AGBL4: variants seen among roughly 807,000 people sequenced by gnomAD.
AGBL4 encodes the protein cytosolic carboxypeptidase 6.
In AGBL4, 58 loss-of-function variants were observed where a neutral mutation model predicts 66.4. The observed-to-expected ratio is 0.87, with a 90% confidence interval of 0.71 to 1.09. The LOEUF (loss-of-function observed/expected upper bound fraction) is 1.09. Among genes scored for constraint, AGBL4 ranks in the 50% least tolerant of loss-of-function variants. The pLI is 0.00. For synonymous variants in AGBL4, 234 were observed against 222.9 expected (o/e 1.05, Z -0.44); for missense variants, 579 against 631.0 (o/e 0.92, Z 0.88).
At chr1:49,221,328 T>C (rs1031232170) in intron 4 of AGBL4, among the ~76,000 whole-genome samples, 18 of 152,044 alleles carry the variant, frequency 1.2e-4, no homozygotes, top group Non-Finnish European at 2.5e-4. Flanking sequence ...GGAGACAGAG[T>C]GCTCAATGCC....
At chr1:49,747,939 T>C (rs977671413) in intron 2 of AGBL4, among the ~76,000 whole-genome samples, 9 of 99,052 alleles carry the variant, frequency 9.1e-5, no homozygotes, top group African/African-American at 3.9e-4. Flanking sequence ...AAGGAGTGTG[T>C]GTGTTTGTGT....
intron 2 of AGBL4, among the ~76,000 whole-genome samples, chr1:49,784,793 CAATAAAA>C (rs1332618199): frequency 6.6e-6 from 1 of 151,452 alleles, no homozygotes; most frequent in East Asian, 1.9e-4. Context: ...ATAAATGACC[CAATAAAA>C]AATAAAAAAT....
intron 1 of AGBL4, among the ~76,000 whole-genome samples, chr1:49,942,740 A>T (rs1654881478): frequency 6.6e-6 from 1 of 152,196 alleles, no homozygotes; most frequent in Non-Finnish European, 1.5e-5. Context: ...TAAAACATAG[A>T]GGGAAAGCTT....
intron 1 of AGBL4, among the ~76,000 whole-genome samples, chr1:49,957,629 C>A (rs1235542599): frequency 6.6e-6 from 1 of 151,934 alleles, no homozygotes; most frequent in Non-Finnish European, 1.5e-5. Flanking sequence ...TTCTTTGTCT[C>A]TTTTGATCTT....
chr1:48,895,423 C>T (rs1160627650), intron 5 of AGBL4, among the ~76,000 whole-genome samples: 2 of 152,184 alleles, frequency 1.3e-5, no homozygotes, highest in Non-Finnish European at 2.9e-5. Context: ...GGAGAGACAG[C>T]TTATAATTCT....
At position 49,088,873 on chromosome 1, in the gene AGBL4, T is replaced by TA. The variant is rs528387357; in HGVS notation, c.378-43074dup. On this transcript the variant is annotated intron_variant, in intron 4 of 13. Coordinates refer to ENST00000371839, the MANE Select transcript of AGBL4 (RefSeq NM_032785.4). ...TGGCATAAAATAATCCTCAGCAAAT[T>TA]AAAAAAAATCAAAATCATACCAAAC... Among the ~76,000 whole-genome samples, 186 of 151,362 alleles carry TA rather than the reference T, an allele frequency of 1.2e-3. 1 individual carries two copies. Among genetic ancestry groups the TA allele is most frequent in the African/African-American group, 4.3e-3 (177 of 41,288 alleles).
chr1:49,212,198 A>T (rs964734761), intron 4 of AGBL4, among the ~76,000 whole-genome samples: 2 of 152,114 alleles, frequency 1.3e-5, no homozygotes, highest in Non-Finnish European at 2.9e-5. Context: ...TTACACTGGC[A>T]AGAAGAAGAA....
At chr1:48,811,584 A>C (rs1181067112) in intron 6 of AGBL4, among the ~76,000 whole-genome samples, 2 of 152,176 alleles carry the variant, frequency 1.3e-5, no homozygotes, top group Non-Finnish European at 2.9e-5. Flanking sequence ...CCTGCTCTTG[A>C]AAATTTGATC....
intron 2 of AGBL4, among the ~76,000 whole-genome samples, chr1:49,717,136 GACAA>G (rs1229005276): frequency 3.3e-5 from 5 of 152,032 alleles, no homozygotes; most frequent in African/African-American, 7.2e-5. Flanking sequence ...ACCATTAATA[GACAA>G]ACAGAGAGCT....
At chr1:49,373,973 T>A (rs1644420270) in intron 3 of AGBL4, among the ~76,000 whole-genome samples, 1 of 152,112 alleles carries the variant, frequency 6.6e-6, no homozygotes, top group East Asian at 1.9e-4. Flanking sequence ...TAATTTTATT[T>A]ATACTATACA....
intron 3 of AGBL4, among the ~76,000 whole-genome samples, chr1:49,461,380 T>C (rs1184658323): frequency 6.6e-6 from 1 of 151,438 alleles, no homozygotes; most frequent in Non-Finnish European, 1.5e-5. Flanking sequence ...GCTTGTATGA[T>C]TCTATTGCTG....
intron 3 of AGBL4, among the ~76,000 whole-genome samples, chr1:49,626,520 T>C (rs1407069836): frequency 6.6e-6 from 1 of 152,142 alleles, no homozygotes; most frequent in Non-Finnish European, 1.5e-5. Context: ...CTCAATGTGC[T>C]TTGGTAAGTA....
In AGBL4 at chr1:49,134,488, C is replaced by G. The variant is rs754240733; in HGVS notation, c.378-88688G>C. Among the ~76,000 whole-genome samples the G allele has an allele frequency of 9.1e-5, 11 of 121,326 alleles. No individual in the cohort carries two copies. In the East Asian group the frequency reaches 9.4e-4, roughly 10 times the overall value. The allele number at this position is 121,326 out of a possible 152,430, so 79.6% of individuals were successfully genotyped here. A position where few individuals can be genotyped will look rare whatever the true frequency, so the allele number is the denominator to read the frequency against. ...CCATTTTGGAGGGCCCCCCCCCCCC[C>G]ACCCCAGGAATGCATTCTTTTCCCA... On this transcript the variant is annotated intron_variant, in intron 4 of 13. Coordinates refer to ENST00000371839, the MANE Select transcript of AGBL4 (RefSeq NM_032785.4).
chr1:48,680,787 T>C (rs1646443103), intron 6 of AGBL4, among the ~76,000 whole-genome samples: 1 of 152,138 alleles, frequency 6.6e-6, no homozygotes, highest in Admixed American at 6.5e-5. Flanking sequence ...AAAGGGGCAA[T>C]CAAATTAAGT....
intron 2 of AGBL4, among the ~76,000 whole-genome samples, chr1:49,843,665 G>A (rs1367771866): frequency 1.3e-5 from 2 of 152,206 alleles, no homozygotes; most frequent in Non-Finnish European, 2.9e-5. Flanking sequence ...GATTAGCAAT[G>A]TTAATTCCTC....
intron 3 of AGBL4, among the ~76,000 whole-genome samples, chr1:49,275,942 A>C (rs1050747484): frequency 6.6e-6 from 1 of 152,144 alleles, no homozygotes; most frequent in Non-Finnish European, 1.5e-5. Context: ...AGCTCACTTG[A>C]ACATCTCAGT....
intron 6 of AGBL4, among the ~76,000 whole-genome samples, chr1:48,735,930 G>C (rs572126710): frequency 6.6e-6 from 1 of 152,196 alleles, no homozygotes; most frequent in South Asian, 2.1e-4. Flanking sequence ...CCCGTCCCCA[G>C]GAATTCTTCC....
At chr1:49,263,593 C>T (rs1653445788) in intron 3 of AGBL4, among the ~76,000 whole-genome samples, 1 of 152,208 alleles carries the variant, frequency 6.6e-6, no homozygotes, top group African/African-American at 2.4e-5. Context: ...TGAAATTTCT[C>T]ATCCATCATA....
chr1:49,136,406 C>T (rs1287852972), intron 4 of AGBL4, among the ~76,000 whole-genome samples: 1 of 152,132 alleles, frequency 6.6e-6, no homozygotes, highest in Non-Finnish European at 1.5e-5. Context: ...AATATAGACC[C>T]TTCTGACCTT....
Sources: gnomAD v4.1 joint callset for allele counts (sites outside exome capture counted in the v4.1 genomes callset) on GRCh38, gnomAD v4.1.1 for gene constraint, MANE v1.5 for transcripts, NCBI Gene and HGNC (gene_info 2026-07-23, HGNC 2026-07-21) for gene names.